The following OSBPL10 variants were observed in gnomAD, a reference collection of about 807,000 sequenced individuals.
OSBPL10 encodes the protein oxysterol-binding protein-related protein 10.
A neutral mutation model predicts 81.7 loss-of-function variants in OSBPL10; 49 were observed. That is an observed-to-expected ratio of 0.60 (90% CI 0.48 to 0.76). The LOEUF (loss-of-function observed/expected upper bound fraction) is 0.76. Ranked by LOEUF, OSBPL10 falls within the 30% of genes least tolerant of loss-of-function variation. The probability of loss-of-function intolerance (pLI) is 0.00; values close to 1 mark genes in which losing one functional copy is unlikely to be tolerated. For synonymous variants in OSBPL10, 419 were observed against 383.6 expected (o/e 1.09, Z -1.08); for missense variants, 923 against 987.8 (o/e 0.93, Z 0.88).
At chr3:31,781,990 T>A (rs945103609) in intron 4 of OSBPL10, among the ~76,000 whole-genome samples, 1 of 152,058 alleles carries the variant, frequency 6.6e-6, no homozygotes. Context: ...AGACCCTGCA[T>A]AGCCAAAGCA....
At chr3:31,833,189 C>T (rs751949813) in intron 3 of OSBPL10, among the ~76,000 whole-genome samples, 5 of 152,094 alleles carry the variant, frequency 3.3e-5, no homozygotes, top group African/African-American at 1.2e-4. Flanking sequence ...TGACTGTCAG[C>T]GAGGCTTATT....
chr3:31,822,913 T>TAAAAAAAAAAAAAAAAAA (rs71097447), intron 4 of OSBPL10, among the ~76,000 whole-genome samples: 2 of 89,146 alleles, frequency 2.2e-5, no homozygotes, highest in Admixed American at 1.5e-4. Context: ...CCCCCAACTC[T>TAAAAAAAAAAAAAAAAAA]AAAAAAAAAA....
At chr3:32,026,106 A>AT (rs1157878921) in intron 2 of OSBPL10, among the ~76,000 whole-genome samples, 1 of 145,762 alleles carries the variant, frequency 6.9e-6, no homozygotes, top group African/African-American at 2.6e-5. Context: ...AGATAGATAG[A>AT]GATAGAGATA....
At chr3:31,709,687 G>A (rs1377732377) in intron 6 of OSBPL10, among the ~76,000 whole-genome samples, 1 of 152,196 alleles carries the variant, frequency 6.6e-6, no homozygotes, top group Non-Finnish European at 1.5e-5. Context: ...TTTTGCAGCT[G>A]AGCTTTTGGA....
At chr3:31,684,180 TA>T (rs3214836) in intron 7 of OSBPL10, 66 bp from the exon 8 acceptor site, 100,273 of 1,574,622 alleles carry the variant, frequency 0.064, 6,242 homozygotes, top group East Asian at 0.27. Context: ...AAAAGAAAGG[TA>T]AAGGCTGCAA....
At chr3:31,805,656 GCAAA>G (rs1559472770) in intron 4 of OSBPL10, among the ~76,000 whole-genome samples, 1 of 152,140 alleles carries the variant, frequency 6.6e-6, no homozygotes, top group Non-Finnish European at 1.5e-5. Flanking sequence ...CCTTAAAATA[GCAAA>G]TAAAGAGCAA....
intron 3 of OSBPL10, among the ~76,000 whole-genome samples, chr3:31,875,624 G>A (rs1478769553): frequency 1.3e-5 from 2 of 151,802 alleles, no homozygotes; most frequent in Non-Finnish European, 2.9e-5. Flanking sequence ...ACAGCCAGGT[G>A]TATCTAAGTA....
At chr3:32,043,161 C>T (rs1699592571) in intron 2 of OSBPL10, among the ~76,000 whole-genome samples, 1 of 152,062 alleles carries the variant, frequency 6.6e-6, no homozygotes, top group Non-Finnish European at 1.5e-5. Context: ...TTATAGACCT[C>T]CCCCAAGGAA....
At chr3:31,917,779 A>G (rs1399337163) in intron 1 of OSBPL10, among the ~76,000 whole-genome samples, 3 of 150,714 alleles carry the variant, frequency 2.0e-5, no homozygotes, top group Non-Finnish European at 4.4e-5. Flanking sequence ...TACTGCACTA[A>G]TTCCCAAGAG....
chr3:31,716,524 G>A (rs1696441817), intron 6 of OSBPL10, among the ~76,000 whole-genome samples: 1 of 152,124 alleles, frequency 6.6e-6, no homozygotes, highest in South Asian at 2.1e-4. Flanking sequence ...CCGGCCATGG[G>A]GGCTATGAGG....
At chr3:31,733,685 GTTTTTTTTTTTTTT>G (rs372305256) in intron 5 of OSBPL10, among the ~76,000 whole-genome samples, 1 of 91,780 alleles carries the variant, frequency 1.1e-5, no homozygotes, top group Non-Finnish European at 2.1e-5. Context: ...AGATAAAGGT[GTTTTTTTTTTTTTT>G]TTTTTTTTTT....
intron 2 of OSBPL10, chr3:31,986,551 C>T (rs1444507239): frequency 1.3e-5 from 2 of 152,030 alleles, no homozygotes; most frequent in South Asian, 2.1e-4. Context: ...CGAGACCATC[C>T]TGGCTAACAC....
intron 10 of OSBPL10, 76 bp from the exon 11 acceptor site, chr3:31,664,308 G>T: frequency 6.6e-7 from 1 of 1,519,276 alleles, no homozygotes; most frequent in Non-Finnish European, 9.0e-7. Flanking sequence ...GCCAGGAGCA[G>T]CCAGAGCAGC....
At chr3:31,982,349 ACTCT>A (rs538597546), upstream of OSBPL10, among the ~76,000 whole-genome samples, 20 of 152,104 alleles carry the variant, frequency 1.3e-4, no homozygotes, top group East Asian at 5.8e-4. Flanking sequence ...AGGAACTCAG[ACTCT>A]CTCTCTCACA....
chr3:31,918,259 C>T (rs1423138347), intron 1 of OSBPL10, among the ~76,000 whole-genome samples: 1 of 151,734 alleles, frequency 6.6e-6, no homozygotes, highest in Non-Finnish European at 1.5e-5. Flanking sequence ...AGTTAAAAGA[C>T]AGCAAGACAA....
chr3:32,016,025 G>T (rs56268589), intron 2 of OSBPL10, among the ~76,000 whole-genome samples: 4,552 of 152,260 alleles, frequency 0.03, 241 homozygotes, highest in African/African-American at 0.11. Context: ...AACCATTGTG[G>T]AAGTCAGTGT....
At chr3:31,673,512 A>G (rs1700377768) in intron 8 of OSBPL10, among the ~76,000 whole-genome samples, 1 of 152,092 alleles carries the variant, frequency 6.6e-6, no homozygotes, top group Non-Finnish European at 1.5e-5. Context: ...ATCCCCACAG[A>G]CTTGGAGACT....
At chr3:31,746,138 C>T (rs1461648445) in intron 5 of OSBPL10, among the ~76,000 whole-genome samples, 1 of 152,118 alleles carries the variant, frequency 6.6e-6, no homozygotes, top group Non-Finnish European at 1.5e-5. Context: ...TGATTAAACC[C>T]TCCTCCAAAA....
Position 31,668,662 on chromosome 3 carries a change from C to T in OSBPL10, c.2076G>A (p.Lys692=). The change falls in exon 10 of 12, where the codon AAG becomes AAA. Residue 692 remains lysine, a synonymous_variant. Coordinates refer to ENST00000396556, the MANE Select transcript of OSBPL10 (RefSeq NM_017784.5). Reference sequence around the variant, plus strand: ...CTCACCTGGACTCCATGGGTCCCTGCTTCTCAAGAGGTCTGATCTTCTTGG... The same window carrying T: ...CTCACCTGGACTCCATGGGTCCCTGTTTCTCAAGAGGTCTGATCTTCTTGG... ...VYPKKIRPLE[K]QGPMESRNLW... is the part of the protein sequence containing the mutation. 6.2e-7 allele frequency: 1 copy of T among 1,613,472 alleles called. No individual in the cohort carries two copies. The highest frequency in any genetic ancestry group is 1.3e-5 in the African/African-American group (1 of 75,024).
Sources: gnomAD v4.1 joint callset for allele counts (sites outside exome capture counted in the v4.1 genomes callset) on GRCh38, gnomAD v4.1.1 for gene constraint, MANE v1.5 for transcripts, NCBI Gene and HGNC (gene_info 2026-07-23, HGNC 2026-07-21) for gene names.